The following MBNL2 variants were observed in gnomAD, a reference collection of about 807,000 sequenced individuals.
MBNL2 encodes the protein muscleblind like splicing regulator 2.
Under a neutral mutation model 41.9 loss-of-function variants are expected in MBNL2, and 17 were observed. That is an observed-to-expected ratio of 0.41 (90% CI 0.28 to 0.61). MBNL2 has a LOEUF of 0.61. MBNL2 is among the 20% of genes least tolerant of loss of function. The pLI, the probability that MBNL2 is intolerant of heterozygous loss-of-function variation, is 0.35. For missense variants in MBNL2, 336 were observed against 505.6 expected, an observed-to-expected ratio of 0.66 and a Z score of 3.22; for synonymous variants, 195 against 182.9, an observed-to-expected ratio of 1.07 and a Z score of -0.53.
At chr13:97,240,142 C>A (rs1461346532) in intron 1 of MBNL2, among the ~76,000 whole-genome samples, 3 of 152,190 alleles carry the variant, frequency 2.0e-5, no homozygotes, top group Admixed American at 6.5e-5. Flanking sequence ...ATGATTCTGA[C>A]TCGGGGAGTC....
At chr13:97,232,874 TGTGTGTGTGTGTGTGTGC>T (rs1463137073) in intron 1 of MBNL2, among the ~76,000 whole-genome samples, 1 of 149,326 alleles carries the variant, frequency 6.7e-6, no homozygotes, top group Non-Finnish European at 1.5e-5. Context: ...TGTGTGTGTG[TGTGTGTGTGTGTGTGTGC>T]GCACGTACAC....
rs756068184 is a variant in MBNL2, at chr13:97,366,630, G to A, written c.1048+1459G>A. ...CTGATATTTAAAAAAAAAATTCTCG[G>A]TGAGAATTTTTTTTTCATGTTTATC... On this transcript the variant is annotated intron_variant, in intron 8 of 8. Transcript: ENST00000679496. The surrounding 1 kb of genome is among the most constrained non-coding windows in gnomAD (Gnocchi z 4.7). The A allele has an allele frequency of 5.4e-6, 5 of 927,722 alleles. No individual in the cohort carries two copies. The highest frequency in any genetic ancestry group is 2.4e-5 in the East Asian group (1 of 41,610). The allele number at this position is 927,722 out of a possible 1,614,324, so 57.5% of individuals were successfully genotyped here.
intron 2 of MBNL2, among the ~76,000 whole-genome samples, chr13:97,307,115 G>A (rs140968974): frequency 6.5e-4 from 99 of 152,222 alleles, no homozygotes; most frequent in Middle Eastern, 3.4e-3. Context: ...TCTAAATCTC[G>A]TGGGTTCCAT....
At position 97,232,800 on chromosome 13, in the gene MBNL2, C is replaced by T. The variant is rs111370966; in HGVS notation, c.-605+10269C>T. Among the ~76,000 whole-genome samples the T allele has an allele frequency of 7.3e-3, 1,101 of 151,398 alleles. 9 individuals are homozygous for T. Among genetic ancestry groups the T allele is most frequent in the African/African-American group, 0.025 (1,022 of 41,080 alleles). ...TTGCCAAGGATAGCTAGGGCATCAT[C>T]TCCACTATTTGCTGTGATTATTTGT... On this transcript the variant is annotated intron_variant, in intron 1 of 8. Transcript: ENST00000679496.
At chr13:97,150,129 A>G in the MBNL2 span, among the ~76,000 whole-genome samples, 1 of 152,136 alleles carries the variant, frequency 6.6e-6, no homozygotes, top group African/African-American at 2.4e-5. Flanking sequence ...GCCATCCTAC[A>G]CTCACTGCTG....
the MBNL2 span, among the ~76,000 whole-genome samples, chr13:97,159,440 T>C: frequency 6.6e-6 from 1 of 152,170 alleles, no homozygotes; most frequent in South Asian, 2.1e-4. Context: ...CCTGTCATTA[T>C]GATGTTAGCT....
At chr13:97,223,792 G>T (rs2041164123) in intron 1 of MBNL2, among the ~76,000 whole-genome samples, 1 of 152,114 alleles carries the variant, frequency 6.6e-6, no homozygotes, top group Non-Finnish European at 1.5e-5. Flanking sequence ...TTAAATAAGG[G>T]CAATGCCACG....
At chr13:97,306,234 C>A (rs1217966666) in intron 2 of MBNL2, among the ~76,000 whole-genome samples, 3 of 152,266 alleles carry the variant, frequency 2.0e-5, no homozygotes, top group Non-Finnish European at 4.4e-5. Flanking sequence ...CACCTCTTAA[C>A]CCTTGCTCAC....
chr13:97,211,513 T>A, the MBNL2 span, among the ~76,000 whole-genome samples: 1 of 152,238 alleles, frequency 6.6e-6, no homozygotes, highest in Non-Finnish European at 1.5e-5. Context: ...TATGGTTATT[T>A]CTTCCTTTTT....
intron 2 of MBNL2, among the ~76,000 whole-genome samples, chr13:97,289,178 G>C (rs1324556185): frequency 6.6e-6 from 1 of 152,042 alleles, no homozygotes; most frequent in Non-Finnish European, 1.5e-5. Flanking sequence ...TGGGTGCTTA[G>C]GTACATTAGT....
At chr13:97,215,131 C>T in the MBNL2 span, among the ~76,000 whole-genome samples, 1,024 of 152,316 alleles carry the variant, frequency 6.7e-3, 10 homozygotes, top group East Asian at 0.02. Context: ...CTGGGCATGT[C>T]CTGTAACCTT....
intron 1 of MBNL2, among the ~76,000 whole-genome samples, chr13:97,267,225 C>T (rs1208805804): frequency 6.6e-6 from 1 of 152,212 alleles, no homozygotes; most frequent in Non-Finnish European, 1.5e-5. Context: ...TTTCCAGACT[C>T]ACCCTGCATA....
At chr13:97,286,856 G>A (rs2054555558) in intron 2 of MBNL2, among the ~76,000 whole-genome samples, 1 of 152,184 alleles carries the variant, frequency 6.6e-6, no homozygotes, top group Non-Finnish European at 1.5e-5. Flanking sequence ...ATCTTTACGT[G>A]ACGCTGTCTA....
chr13:97,287,062 A>G (rs929250035), intron 2 of MBNL2, among the ~76,000 whole-genome samples: 42 of 152,316 alleles, frequency 2.8e-4, no homozygotes, highest in South Asian at 2.1e-4. Context: ...CTGGCTGACT[A>G]TTACTCAGTT....
intron 2 of MBNL2, among the ~76,000 whole-genome samples, chr13:97,314,862 A>C (rs997077984): frequency 1.3e-5 from 2 of 152,138 alleles, no homozygotes; most frequent in Admixed American, 1.3e-4. Context: ...CCACTGATAA[A>C]CTATTCAACT....
chr13:97,236,280 T>A (rs2152799821), intron 1 of MBNL2, among the ~76,000 whole-genome samples: 1 of 152,094 alleles, frequency 6.6e-6, no homozygotes, highest in East Asian at 1.9e-4. Context: ...CAAGAAAAGG[T>A]TTCTCTCAGA....
At chr13:97,235,886 A>G (rs1332098942) in intron 1 of MBNL2, among the ~76,000 whole-genome samples, 2 of 152,168 alleles carry the variant, frequency 1.3e-5, no homozygotes, top group African/African-American at 2.4e-5. Context: ...CAGAAAAAAA[A>G]AAAAATCAAA....
At chr13:97,374,818 T>C (rs985654077) in intron 8 of MBNL2, among the ~76,000 whole-genome samples, 2 of 152,208 alleles carry the variant, frequency 1.3e-5, no homozygotes, top group African/African-American at 4.8e-5. Flanking sequence ...GGTTTTCTCA[T>C]TGGAGCAAAA....
At chr13:97,367,263 G>T (rs2063922721) in intron 8 of MBNL2, among the ~76,000 whole-genome samples, 1 of 152,180 alleles carries the variant, frequency 6.6e-6, no homozygotes, top group South Asian at 2.1e-4. Flanking sequence ...CTACTCTGTG[G>T]TCACAAGCTG....
Sources: gnomAD v4.1 joint callset for allele counts (sites outside exome capture counted in the v4.1 genomes callset) on GRCh38, gnomAD v4.1.1 for gene constraint, Gnocchi (gnomAD v3.1) non-coding constraint, MANE v1.5 for transcripts, NCBI Gene and HGNC (gene_info 2026-07-23, HGNC 2026-07-21) for gene names.